Variants in CAST observed in about 807,000 individuals in gnomAD.
The protein encoded by CAST is calpastatin.
In CAST, 76 loss-of-function variants were observed where a neutral mutation model predicts 119.6. That is an observed-to-expected ratio of 0.64 (90% confidence interval 0.53 to 0.77). The LOEUF is 0.77. CAST is among the 30% of genes least tolerant of loss of function. The pLI, the probability that CAST is intolerant of heterozygous loss-of-function variation, is 0.00. For missense variants in CAST, 953 were observed against 946.5 expected (o/e 1.01, Z -0.09); for synonymous variants, 319 against 331.6 (o/e 0.96, Z 0.41).
chr5:96,210,276 A>T, the CAST span: 1 of 151,866 alleles, frequency 6.6e-6, no homozygotes, highest in African/African-American at 2.4e-5. Context: ...TTTTCATCCA[A>T]TTTTTTTCTA....
At chr5:95,964,853 C>T in the CAST span, 4 of 152,298 alleles carry the variant, frequency 2.6e-5, no homozygotes, top group East Asian at 7.7e-4. Flanking sequence ...AGAAATCTGT[C>T]ATATAAGACA....
At chr5:96,743,761 A>G in intron 16 of CAST, 2 of 1,500,088 alleles carry the variant, frequency 1.3e-6, no homozygotes, top group Non-Finnish European at 1.8e-6. Context: ...TGTATTGGGA[A>G]GAAGGGAAAC....
chr5:96,005,489 A>G, the CAST span, among the ~76,000 whole-genome samples: 22 of 152,360 alleles, frequency 1.4e-4, no homozygotes, highest in African/African-American at 5.1e-4. Flanking sequence ...GGATATATAT[A>G]CATTATTTAG....
chr5:96,395,200 C>T, the CAST span, among the ~76,000 whole-genome samples: 2 of 152,194 alleles, frequency 1.3e-5, no homozygotes, highest in Non-Finnish European at 2.9e-5. Context: ...TTTGTAGGTT[C>T]AACAGTTTAG....
the CAST span, among the ~76,000 whole-genome samples, chr5:96,494,324 A>G: frequency 6.6e-6 from 1 of 152,226 alleles, no homozygotes; most frequent in Non-Finnish European, 1.5e-5. Context: ...AATTTAAAAT[A>G]AGAGTTATCA....
At chr5:96,182,913 C>T in the CAST span, among the ~76,000 whole-genome samples, 1 of 151,926 alleles carries the variant, frequency 6.6e-6, no homozygotes, top group Non-Finnish European at 1.5e-5. Context: ...CCGAGGCGGG[C>T]GGATCTCGAG....
the CAST span, among the ~76,000 whole-genome samples, chr5:96,094,976 G>T: frequency 6.6e-6 from 1 of 151,984 alleles, no homozygotes; most frequent in Non-Finnish European, 1.5e-5. Flanking sequence ...ACAATGGCCT[G>T]CTTGCCTTGA....
chr5:96,345,654 A>G, the CAST span, among the ~76,000 whole-genome samples: 1 of 152,200 alleles, frequency 6.6e-6, no homozygotes, highest in Non-Finnish European at 1.5e-5. Flanking sequence ...GATGTCAGCC[A>G]GAGCTGCTCT....
the CAST span, among the ~76,000 whole-genome samples, chr5:96,252,363 C>T: frequency 6.6e-6 from 1 of 152,056 alleles, no homozygotes; most frequent in East Asian, 1.9e-4. Flanking sequence ...TCAGTTAGTA[C>T]CTACTATATG....
chr5:96,749,554 T>C (rs1297989505), intron 19 of CAST, among the ~76,000 whole-genome samples: 1 of 152,222 alleles, frequency 6.6e-6, no homozygotes, highest in African/African-American at 2.4e-5. Flanking sequence ...TGTTTTGTTT[T>C]GTTTTTTCTT....
rs373460314 is a variant in CAST at position 96,741,524 on chromosome 5, G to T, written c.1042G>T (p.Ala348Ser). The T allele has an allele frequency of 4.5e-5, 72 of 1,613,618 alleles. No homozygotes were observed. The East Asian group carries it at 1.2e-3, about 28-fold the overall frequency. ...ESTEVLKAQS[A>S]GTVRSAAPPQ... ...TACAGAAGTTTTAAAAGCTCAGTCAGCAGGGACAGTCAGAAGTGCTGCTCC... is the reference window on the plus strand; with the variant it reads ...TACAGAAGTTTTAAAAGCTCAGTCATCAGGGACAGTCAGAAGTGCTGCTCC... Residue 348 changes from alanine (A) to serine (S), a missense_variant, in exon 15 of 32, where the codon GCA (alanine) becomes TCA (serine). Physicochemically the swap from Ala to Ser is moderately conservative, Grantham distance 99 (BLOSUM62 1). Transcript: ENST00000675179.
the CAST span, among the ~76,000 whole-genome samples, chr5:96,279,085 TTTC>T: frequency 6.6e-6 from 1 of 152,216 alleles, no homozygotes; most frequent in South Asian, 2.1e-4. Context: ...AAAGAGAGTA[TTTC>T]TTTTTCTGCC....
the CAST span, among the ~76,000 whole-genome samples, chr5:96,141,631 T>C: frequency 6.6e-6 from 1 of 152,204 alleles, no homozygotes; most frequent in Admixed American, 6.5e-5. Flanking sequence ...CTTACTAAAG[T>C]CTATATCTCT....
the CAST span, among the ~76,000 whole-genome samples, chr5:96,067,521 A>T: frequency 1.3e-5 from 2 of 152,342 alleles, no homozygotes; most frequent in East Asian, 3.9e-4. Flanking sequence ...ATTCTTTGAA[A>T]TGTGAAGAAT....
chr5:96,703,429 GTGT>G (rs1754293776), intron 3 of CAST, among the ~76,000 whole-genome samples: 1 of 152,228 alleles, frequency 6.6e-6, no homozygotes, highest in African/African-American at 2.4e-5. Context: ...GGCGTGGCAA[GTGT>G]TGTAACCTGT....
At chr5:96,743,502 G>A (rs899233844) in intron 16 of CAST, 3 of 1,361,296 alleles carry the variant, frequency 2.2e-6, no homozygotes, top group Non-Finnish European at 2.0e-6. Flanking sequence ...GGCTGGGGGT[G>A]CTGGCAGGCA....
chr5:96,607,139 T>A (rs1252481780), intron 1 of CAST, among the ~76,000 whole-genome samples: 1 of 151,950 alleles, frequency 6.6e-6, no homozygotes, highest in African/African-American at 2.4e-5. Context: ...ATGCAAAAAA[T>A]TAGCCGGGCG....
the CAST span, among the ~76,000 whole-genome samples, chr5:96,306,315 T>G: frequency 1.3e-5 from 2 of 152,138 alleles, no homozygotes; most frequent in East Asian, 3.8e-4. Context: ...ATTTTTATAG[T>G]GTCTATTTGA....
At chr5:96,035,041 GTATATATATA>G in the CAST span, among the ~76,000 whole-genome samples, 1 of 107,962 alleles carries the variant, frequency 9.3e-6, no homozygotes, top group African/African-American at 3.5e-5. Context: ...TTGTATTTAA[GTATATATATA>G]TATATATATA....
Sources: allele counts gnomAD v4.1 joint callset (sites outside exome capture counted in the v4.1 genomes callset), GRCh38; gene constraint gnomAD v4.1.1; transcripts MANE v1.5; gene names NCBI Gene and HGNC (gene_info 2026-07-23, HGNC 2026-07-21).